The following ZFHX4 variants were observed in gnomAD, a reference collection of about 807,000 sequenced individuals.
ZFHX4 encodes zinc finger homeobox 4, also known as zinc finger homeobox protein 4.
A neutral mutation model predicts 267.6 loss-of-function variants in ZFHX4; 56 were observed. The observed-to-expected ratio is 0.21, with a 90% CI of 0.17 to 0.26. The LOEUF is 0.26. Ranked by LOEUF, ZFHX4 falls within the 10% of genes least tolerant of loss-of-function variation. The pLI is 1.00. For missense variants in ZFHX4, 4,332 were observed against 4,420.0 expected (o/e 0.98, Z 0.56); for synonymous variants, 1,778 against 1,665.6 (o/e 1.07, Z -1.64).
At chr8:76,732,752 A>G (rs1173006302) in intron 3 of ZFHX4, among the ~76,000 whole-genome samples, 2 of 152,224 alleles carry the variant, frequency 1.3e-5, no homozygotes, top group Non-Finnish European at 2.9e-5. Context: ...TTTTCCCTCA[A>G]TAGCATACCT....
intron 4 of ZFHX4, among the ~76,000 whole-genome samples, chr8:76,827,723 T>G (rs1811823835): frequency 6.6e-6 from 1 of 152,168 alleles, no homozygotes; most frequent in Non-Finnish European, 1.5e-5. Flanking sequence ...CATAGATGAC[T>G]CAAGAAGCAG....
intron 4 of ZFHX4, among the ~76,000 whole-genome samples, chr8:76,779,901 T>C (rs1440040776): frequency 6.6e-6 from 1 of 152,142 alleles, no homozygotes; most frequent in Admixed American, 6.6e-5. Context: ...CTAAGGGTGT[T>C]AGCATAAAAA....
chr8:76,760,953 G>GA (rs796877540), intron 3 of ZFHX4, among the ~76,000 whole-genome samples: 2 of 138,128 alleles, frequency 1.4e-5, no homozygotes, highest in Non-Finnish European at 3.1e-5. Context: ...AAAAAAAAGA[G>GA]AAAAAAAAGT....
intron 5 of ZFHX4, 39 bp from the exon 6 acceptor site, chr8:76,842,616 G>A (rs1424198057): frequency 4.0e-5 from 59 of 1,467,060 alleles, no homozygotes; most frequent in Non-Finnish European, 5.4e-5. Flanking sequence ...ACTTTTGGGC[G>A]GTTTTCAGTT....
chr8:76,749,238 T>C, intron 3 of ZFHX4, among the ~76,000 whole-genome samples: 1 of 152,198 alleles, frequency 6.6e-6, no homozygotes, highest in East Asian at 1.9e-4. Flanking sequence ...TTCTTCAATT[T>C]AATGTAAATT....
At chr8:76,767,498 T>C (rs1810082148) in intron 3 of ZFHX4, among the ~76,000 whole-genome samples, 1 of 152,166 alleles carries the variant, frequency 6.6e-6, no homozygotes, top group East Asian at 1.9e-4. Context: ...TGTATGTGGG[T>C]ATTGAAGTCA....
chr8:76,778,562 A>G, intron 4 of ZFHX4, 123 bp downstream of exon 4: 1 of 776,058 alleles, frequency 1.3e-6, no homozygotes, highest in African/African-American at 1.7e-5. Context: ...CCCCCAGTGT[A>G]AAACACGGCA....
At chr8:76,700,259 A>G (rs78832275) in intron 1 of ZFHX4, among the ~76,000 whole-genome samples, 2 of 152,280 alleles carry the variant, frequency 1.3e-5, no homozygotes, top group African/African-American at 2.4e-5. Flanking sequence ...AATAAAAACA[A>G]TAGGCTAAGG....
intron 3 of ZFHX4, among the ~76,000 whole-genome samples, chr8:76,713,371 A>C (rs1442663186): frequency 6.6e-6 from 1 of 152,194 alleles, no homozygotes; most frequent in East Asian, 1.9e-4. Context: ...AAGACCAGGC[A>C]TTAGCAACTT....
intron 3 of ZFHX4, among the ~76,000 whole-genome samples, chr8:76,709,796 TGTGTGC>T (rs1383848987): frequency 7.2e-6 from 1 of 139,304 alleles, no homozygotes; most frequent in African/African-American, 3.0e-5. Flanking sequence ...TGTGTGCGTG[TGTGTGC>T]GTGTGTGTGT....
At chr8:76,748,734 C>T (rs1298459752) in intron 3 of ZFHX4, among the ~76,000 whole-genome samples, 1 of 152,154 alleles carries the variant, frequency 6.6e-6, no homozygotes, top group Non-Finnish European at 1.5e-5. Context: ...AAATTGTTAC[C>T]TCACACTTAC....
At chr8:76,731,699 A>G (rs1268690844) in intron 3 of ZFHX4, among the ~76,000 whole-genome samples, 1 of 152,060 alleles carries the variant, frequency 6.6e-6, no homozygotes, top group Admixed American at 6.6e-5. Flanking sequence ...AAAGTAGAAC[A>G]ATATTCTATC....
chr8:76,681,483 G>C lies in ZFHX4; in HGVS notation c.-184G>C, dbSNP rs904814076. 1.3e-5 allele frequency: 5 copies of C among 398,030 alleles called. No homozygotes were observed. Among genetic ancestry groups the C allele is most frequent in the African/African-American group, 1.0e-4 (5 of 48,260 alleles). 24.7% of individuals were successfully genotyped at this position (398,030 alleles called of 1,614,324 possible). The stretch of plus-strand genomic sequence containing the variant: ...AGCGTTTTTATTTTCACCCAATAAA[G>C]TTCGAGGATTATTTTTTATTTTTTT... On this transcript the variant is annotated 5_prime_UTR_variant, in exon 1 of 11. Coordinates refer to ENST00000651372, the MANE Select transcript of ZFHX4 (RefSeq NM_024721.5).
chr8:76,770,234 T>C (rs76997475), intron 3 of ZFHX4, among the ~76,000 whole-genome samples: 4,052 of 152,242 alleles, frequency 0.027, 81 homozygotes, highest in Non-Finnish European at 0.037. Context: ...GTCTAAAGCA[T>C]ATAGCACATC....
chr8:76,779,583 A>C (rs1408549793), intron 4 of ZFHX4, among the ~76,000 whole-genome samples: 1 of 152,208 alleles, frequency 6.6e-6, no homozygotes, highest in Non-Finnish European at 1.5e-5. Flanking sequence ...CAATGAGGGC[A>C]CTGCAGCAGC....
intron 4 of ZFHX4, among the ~76,000 whole-genome samples, chr8:76,831,323 G>A (rs942142966): frequency 2.6e-5 from 4 of 152,132 alleles, no homozygotes; most frequent in African/African-American, 9.7e-5. Flanking sequence ...GGGGGTAGTG[G>A]TAGAGATTTT....
At chr8:76,807,581 G>A (rs978934063) in intron 4 of ZFHX4, among the ~76,000 whole-genome samples, 4 of 152,018 alleles carry the variant, frequency 2.6e-5, no homozygotes, top group African/African-American at 9.7e-5. Flanking sequence ...ATAGGCTGGG[G>A]ACATTACCAT....
intron 4 of ZFHX4, among the ~76,000 whole-genome samples, chr8:76,800,209 C>T (rs1011357029): frequency 2.0e-5 from 3 of 152,034 alleles, no homozygotes; most frequent in Admixed American, 1.3e-4. Context: ...TGTCAGGCCA[C>T]AGAGGGACTG....
At chr8:76,744,115 G>C (rs1290566768) in intron 3 of ZFHX4, among the ~76,000 whole-genome samples, 1 of 152,098 alleles carries the variant, frequency 6.6e-6, no homozygotes, top group African/African-American at 2.4e-5. Context: ...AGAGGCTGAG[G>C]TGGGTGGATC....
Sources: allele counts gnomAD v4.1 joint callset (sites outside exome capture counted in the v4.1 genomes callset), GRCh38; gene constraint gnomAD v4.1.1; transcripts MANE v1.5; gene names NCBI Gene and HGNC (gene_info 2026-07-23, HGNC 2026-07-21).